IRAG2: variants seen among roughly 807,000 people sequenced by gnomAD.
IRAG2 encodes the protein lymphoid restricted membrane protein.
A neutral mutation model predicts 69.9 loss-of-function variants in IRAG2; 45 were observed. The observed-to-expected ratio is 0.64, with a 90% CI of 0.51 to 0.83. The LOEUF (loss-of-function observed/expected upper bound fraction) is 0.83, where lower values mean the gene tolerates loss of function less well. Ranked by LOEUF, IRAG2 falls within the 40% of genes least tolerant of loss-of-function variation. IRAG2 has a pLI of 0.00. For synonymous variants in IRAG2, 193 were observed against 202.4 expected (o/e 0.95, Z 0.40); for missense variants, 520 against 587.0 (o/e 0.89, Z 1.18).
chr12:25,056,873 A>G (rs1945286944), intron 1 of IRAG2, among the ~76,000 whole-genome samples: 1 of 152,180 alleles, frequency 6.6e-6, no homozygotes, highest in African/African-American at 2.4e-5. Flanking sequence ...AATTAAAATA[A>G]GTGTCTGCAC....
chr12:25,016,550 A>G (rs773356426), intron 5 of IRAG2, among the ~76,000 whole-genome samples: 6 of 151,784 alleles, frequency 4.0e-5, no homozygotes, highest in Non-Finnish European at 8.8e-5. Context: ...ATCACTTGAG[A>G]TCAGGAGTTC....
At chr12:25,046,324 C>T (rs1025033102) in intron 16 of IRAG2, among the ~76,000 whole-genome samples, 5 of 151,756 alleles carry the variant, frequency 3.3e-5, no homozygotes, top group East Asian at 3.9e-4. Context: ...TCACTCTCAC[C>T]ACTTCTGTTC....
At chr12:25,017,988 T>C (rs1274397026) in intron 6 of IRAG2, among the ~76,000 whole-genome samples, 1 of 152,158 alleles carries the variant, frequency 6.6e-6, no homozygotes, top group Non-Finnish European at 1.5e-5. Flanking sequence ...ATAATGTTTT[T>C]AAGGTTCATC....
At chr12:25,026,034 A>G (rs781190061) in intron 8 of IRAG2, among the ~76,000 whole-genome samples, 2 of 152,198 alleles carry the variant, frequency 1.3e-5, no homozygotes, top group Non-Finnish European at 2.9e-5. Context: ...CTGCCTTTGT[A>G]TTGTGAAAGC....
At chr12:25,076,909 C>T (rs1341498087) in intron 6 of IRAG2, among the ~76,000 whole-genome samples, 2 of 150,490 alleles carry the variant, frequency 1.3e-5, no homozygotes, top group Non-Finnish European at 3.0e-5. Flanking sequence ...AGGGTCTTGC[C>T]CTGTCACCCA....
chr12:25,068,583 C>G (rs1474138730), intron 5 of IRAG2, among the ~76,000 whole-genome samples: 2 of 152,096 alleles, frequency 1.3e-5, no homozygotes, highest in Non-Finnish European at 2.9e-5. Context: ...AGATTGGTTC[C>G]CCTGGCAACC....
At chr12:25,051,633 A>C (rs562677701), upstream of IRAG2, among the ~76,000 whole-genome samples, 6 of 152,298 alleles carry the variant, frequency 3.9e-5, no homozygotes, top group Admixed American at 3.9e-4. Flanking sequence ...TGTGGTGGGG[A>C]AGGGTGATGG....
chr12:25,052,983 C>G (rs369234087), intron 1 of IRAG2, 27 bp downstream of exon 1: 1 of 398,412 alleles, frequency 2.5e-6, no homozygotes, highest in East Asian at 3.6e-5. Flanking sequence ...CATTTATGAC[C>G]CAGTTTTTGT....
In IRAG2 at chr12:25,102,057, A is replaced by T; in HGVS notation, c.890-141A>T. The T allele has an allele frequency of 5.6e-6, 4 of 712,524 alleles. No homozygotes were observed. The East Asian group carries it at 1.1e-4, about 19-fold the overall frequency. The allele number at this position is 712,524 out of a possible 1,614,324, so 44.1% of individuals were successfully genotyped here. On this transcript the variant is annotated intron_variant, in intron 16 of 21. Coordinates refer to ENST00000556887, the MANE Select transcript of IRAG2 (RefSeq NM_001366544.2). ...GTTATGAAGAATGAAATGAATGATAAACAGATATTTATATTGCTCGGTAGT... is the reference window on the plus strand; with the variant it reads ...GTTATGAAGAATGAAATGAATGATATACAGATATTTATATTGCTCGGTAGT...
chr12:25,023,763 G>A, intron 7 of IRAG2: 1 of 499,646 alleles, frequency 2.0e-6, no homozygotes, highest in Admixed American at 4.4e-5. Context: ...TGTGATAGGT[G>A]AATGCTACAT....
Position 25,096,941 on chromosome 12 carries a change from AG to A in IRAG2, c.640del (p.Ala214HisfsTer12). ...ACACCTCTGTGTGAAGATGACAACC[AG>A]GCACAGGAAATCATTAAGAAGCTGG... The part of the protein sequence containing the change: ...SLTPLCEDDN[Q>X]AQEIIKKLEK... On this transcript the variant is annotated frameshift_variant, in exon 15 of 22. Coordinates refer to ENST00000556887, the MANE Select transcript of IRAG2 (RefSeq NM_001366544.2). LOFTEE classifies it high-confidence loss of function. 2 of 1,613,766 alleles carry A rather than the reference AG, an allele frequency of 1.2e-6. No homozygotes were observed. Among genetic ancestry groups the A allele is most frequent in the Non-Finnish European group, 1.7e-6 (2 of 1,179,768 alleles).
chr12:25,098,840 C>T (rs144532748), intron 15 of IRAG2, among the ~76,000 whole-genome samples: 1 of 152,276 alleles, frequency 6.6e-6, no homozygotes, highest in African/African-American at 2.4e-5. Context: ...CTTTTGCTTC[C>T]ACAAAGCAGA....
intron 16 of IRAG2, among the ~76,000 whole-genome samples, chr12:25,042,666 C>T (rs570445237): frequency 6.6e-6 from 1 of 151,944 alleles, no homozygotes; most frequent in African/African-American, 2.4e-5. Flanking sequence ...GGGGTTTCAC[C>T]ATGTTGGCCA....
intron 2 of IRAG2, chr12:25,011,283 C>T (rs1944472783): frequency 9.0e-7 from 1 of 1,114,564 alleles, no homozygotes; most frequent in African/African-American, 1.6e-5. Flanking sequence ...TTTCTAGGAT[C>T]AGGAAACATT....
rs560250229 is a variant in IRAG2 at position 25,079,121 on chromosome 12, T to C, written c.25-123T>C. ...TATACCATCCCATTCCCATATCCTT[T>C]CCAAAAGAGCTGAGTAAATATGGGT... On this transcript the variant is annotated intron_variant, in intron 6 of 21. Transcript: ENST00000556887. The C allele has an allele frequency of 4.4e-5, 41 of 931,858 alleles. No individual in the cohort carries two copies. The South Asian group carries it at 5.6e-4, about 13-fold the overall frequency. 57.7% of individuals were successfully genotyped at this position (931,858 alleles called of 1,614,324 possible).
chr12:25,014,837 C>G (rs990347040), intron 3 of IRAG2, among the ~76,000 whole-genome samples: 2 of 150,034 alleles, frequency 1.3e-5, no homozygotes, highest in African/African-American at 2.5e-5. Context: ...CCTAATCCAC[C>G]GAGACCCCAC....
At chr12:25,014,892 G>C (rs1448706996) in intron 3 of IRAG2, among the ~76,000 whole-genome samples, 1 of 150,298 alleles carries the variant, frequency 6.7e-6, no homozygotes, top group Non-Finnish European at 1.5e-5. Context: ...TTTCATATTA[G>C]GTAAAAGTGT....
rs182269845 is a variant in IRAG2 at position 25,039,653 on chromosome 12, A to G, written c.2144+1516A>G. 1.7e-3 allele frequency among the ~76,000 whole-genome samples: 255 copies of G among 152,258 alleles called. 6 individuals carry two copies. The East Asian group carries it at 0.045, about 27-fold the overall frequency. ...CACCATGTTAACCAGGATGGTCTCG[A>G]TCTCCTGACCTCGTGATCCGCCCCC... is the stretch of plus-strand genomic sequence containing the variant. On this transcript the variant is annotated intron_variant, in intron 16 of 38. Transcript: ENST00000636465.
At chr12:25,089,831 T>C (rs759243417) in intron 13 of IRAG2, 41 bp downstream of exon 13, 2 of 1,598,394 alleles carry the variant, frequency 1.3e-6, no homozygotes, top group Non-Finnish European at 1.7e-6. Flanking sequence ...AAAAAAGTGT[T>C]CCAGACTCAC....
Sources: gnomAD v4.1 joint callset for allele counts (sites outside exome capture counted in the v4.1 genomes callset) on GRCh38, gnomAD v4.1.1 for gene constraint, MANE v1.5 for transcripts, NCBI Gene and HGNC (gene_info 2026-07-23, HGNC 2026-07-21) for gene names.